The following CCSER1 variants were observed in gnomAD, a reference collection of about 807,000 sequenced individuals.
CCSER1 encodes the protein coiled-coil serine rich protein 1.
CCSER1 carries 41 observed loss-of-function variants against 82.0 expected under a neutral mutation model. The ratio of observed to expected loss-of-function variants is 0.50; its 90% CI spans 0.39 to 0.65. CCSER1 has a LOEUF of 0.65. CCSER1 is among the 30% of genes least tolerant of loss of function. The pLI is 0.00. For synonymous variants in CCSER1, 414 were observed against 383.9 expected, an observed-to-expected ratio of 1.08 and a Z score of -0.92; for missense variants, 1,119 against 1,064.2, an observed-to-expected ratio of 1.05 and a Z score of -0.72.
At chr4:90,572,692 A>T (rs915085028) in intron 5 of CCSER1, among the ~76,000 whole-genome samples, 1 of 151,922 alleles carries the variant, frequency 6.6e-6, no homozygotes, top group East Asian at 1.9e-4. Flanking sequence ...TTTTAAAAGT[A>T]TATGTTCATT....
intron 10 of CCSER1, among the ~76,000 whole-genome samples, chr4:91,234,532 A>T (rs1738857097): frequency 6.6e-6 from 1 of 152,140 alleles, no homozygotes; most frequent in African/African-American, 2.4e-5. Flanking sequence ...GATAGAATTT[A>T]TCTTGTTAGA....
chr4:90,478,484 A>T (rs7672958), intron 5 of CCSER1, among the ~76,000 whole-genome samples: 2,229 of 152,320 alleles, frequency 0.015, 35 homozygotes, highest in African/African-American at 0.043. Context: ...TTAGGGTTGT[A>T]AACTATTGTT....
intron 1 of CCSER1, among the ~76,000 whole-genome samples, chr4:90,168,158 A>G (rs1456325527): frequency 2.0e-5 from 3 of 152,120 alleles, no homozygotes; most frequent in African/African-American, 7.2e-5. Context: ...CTTTTTAATG[A>G]TCGCCATTCT....
At chr4:91,095,452 C>A (rs1386985145) in intron 10 of CCSER1, among the ~76,000 whole-genome samples, 3 of 152,146 alleles carry the variant, frequency 2.0e-5, no homozygotes, top group Non-Finnish European at 4.4e-5. Context: ...TGGCCTTCAC[C>A]CTCCTTATGG....
intron 10 of CCSER1, among the ~76,000 whole-genome samples, chr4:91,147,147 G>A (rs1268004004): frequency 6.6e-6 from 1 of 152,206 alleles, no homozygotes; most frequent in Non-Finnish European, 1.5e-5. Context: ...TTTGGGATAT[G>A]TCTGCAGTTG....
intron 10 of CCSER1, among the ~76,000 whole-genome samples, chr4:91,183,782 G>A (rs553968289): frequency 6.6e-6 from 1 of 152,112 alleles, no homozygotes; most frequent in Non-Finnish European, 1.5e-5. Flanking sequence ...GAGGCTTATG[G>A]ACTTGCTTTT....
chr4:90,970,701 T>C (rs1329575216), intron 9 of CCSER1, among the ~76,000 whole-genome samples: 10 of 152,062 alleles, frequency 6.6e-5, no homozygotes, highest in African/African-American at 2.2e-4. Context: ...ATAAAACAAG[T>C]CTTAACAAAT....
intron 6 of CCSER1, among the ~76,000 whole-genome samples, chr4:90,636,400 TA>T (rs1013649983): frequency 2.6e-5 from 4 of 151,822 alleles, no homozygotes; most frequent in East Asian, 3.9e-4. Context: ...ATATGCCTAT[TA>T]AAAAAAATTG....
intron 4 of CCSER1, among the ~76,000 whole-genome samples, chr4:90,420,028 G>A (rs77482140): frequency 0.019 from 2,927 of 151,912 alleles, 59 homozygotes; most frequent in African/African-American, 0.041. Flanking sequence ...CCTAATTGTC[G>A]TACTTGAAAA....
intron 7 of CCSER1, among the ~76,000 whole-genome samples, chr4:90,763,739 A>G (rs1750763474): frequency 6.6e-6 from 1 of 152,140 alleles, no homozygotes; most frequent in Non-Finnish European, 1.5e-5. Context: ...CATTAAGTCA[A>G]GAGTGAACAA....
chr4:90,904,702 A>G (rs190991508), intron 8 of CCSER1, among the ~76,000 whole-genome samples: 1 of 152,280 alleles, frequency 6.6e-6, no homozygotes, highest in East Asian at 1.9e-4. Context: ...GTTTGCAACC[A>G]TCTGAAACAA....
intron 8 of CCSER1, among the ~76,000 whole-genome samples, chr4:90,914,175 A>G (rs964506368): frequency 6.6e-6 from 1 of 152,184 alleles, no homozygotes; most frequent in African/African-American, 2.4e-5. Context: ...CTCCACCCCA[A>G]ATCAACAGAA....
chr4:90,551,678 T>TTCTCTCTCTCTCTCTC (rs71596530), intron 5 of CCSER1, among the ~76,000 whole-genome samples: 88 of 88,534 alleles, frequency 9.9e-4, no homozygotes, highest in Middle Eastern at 7.8e-3. Context: ...AAAAATATAA[T>TTCTCTCTCTCTCTCTC]TCTCTCTCTC....
rs148569252 is a variant in CCSER1 at position 91,162,560 on chromosome 4, C to T, written c.2217+76566C>T. On this transcript the variant is annotated intron_variant, in intron 10 of 10. Transcript: ENST00000509176. ...ATTTGGCTGTGAATCCGTCTGGTCCCGGACTTTTTTTGGTTGCTAGGCTCT... is the reference window on the plus strand; with the variant it reads ...ATTTGGCTGTGAATCCGTCTGGTCCTGGACTTTTTTTGGTTGCTAGGCTCT... 4.9e-3 allele frequency among the ~76,000 whole-genome samples: 748 copies of T among 152,120 alleles called. 6 individuals carry two copies. The highest frequency in any genetic ancestry group is 0.017 in the African/African-American group (695 of 41,538).
At chr4:90,986,146 T>G (rs924156646) in intron 9 of CCSER1, among the ~76,000 whole-genome samples, 2 of 151,850 alleles carry the variant, frequency 1.3e-5, no homozygotes, top group Non-Finnish European at 1.5e-5. Context: ...AAGTATATCT[T>G]AATCTGGTAA....
intron 9 of CCSER1, among the ~76,000 whole-genome samples, chr4:90,941,932 T>G (rs900092220): frequency 2.0e-5 from 3 of 151,738 alleles, no homozygotes; most frequent in African/African-American, 7.3e-5. Context: ...GTCTTCTATT[T>G]TTTTTTCGTT....
chr4:90,472,616 G>A (rs904851496), intron 5 of CCSER1, among the ~76,000 whole-genome samples: 3 of 152,162 alleles, frequency 2.0e-5, no homozygotes, highest in African/African-American at 7.2e-5. Context: ...AGAAAACAAA[G>A]GTGGGGATTT....
chr4:91,058,972 C>A (rs1743694746), intron 9 of CCSER1, among the ~76,000 whole-genome samples: 1 of 151,768 alleles, frequency 6.6e-6, no homozygotes, highest in Non-Finnish European at 1.5e-5. Flanking sequence ...ATAATTCTTA[C>A]AGTCTTTTTC....
At chr4:90,873,375 A>C (rs1042143621) in intron 8 of CCSER1, among the ~76,000 whole-genome samples, 1 of 152,010 alleles carries the variant, frequency 6.6e-6, no homozygotes, top group Non-Finnish European at 1.5e-5. Flanking sequence ...AGACTGATGC[A>C]TTCTTCAGTG....
Sources: gnomAD v4.1 joint callset for allele counts (sites outside exome capture counted in the v4.1 genomes callset) on GRCh38, gnomAD v4.1.1 for gene constraint, MANE v1.5 for transcripts, NCBI Gene and HGNC (gene_info 2026-07-23, HGNC 2026-07-21) for gene names.